The following SNTB1 variants were observed in gnomAD, a reference collection of about 807,000 sequenced individuals.
SNTB1 encodes the protein beta-1-syntrophin.
Under a neutral mutation model 48.9 loss-of-function variants are expected in SNTB1, and 36 were observed. That is an observed-to-expected ratio of 0.74 (90% confidence interval 0.56 to 0.97). SNTB1 has a LOEUF of 0.97. Among genes scored for constraint, SNTB1 ranks in the 50% least tolerant of loss-of-function variants. SNTB1 has a pLI of 0.00. For missense variants in SNTB1, 786 were observed against 703.4 expected (o/e 1.12, Z -1.33); for synonymous variants, 299 against 294.6 (o/e 1.01, Z -0.15).
chr8:120,580,587 G>A (rs907402268), intron 3 of SNTB1, among the ~76,000 whole-genome samples: 13 of 152,312 alleles, frequency 8.5e-5, no homozygotes, highest in African/African-American at 2.4e-4. Flanking sequence ...AAACGTTCAC[G>A]AAGGAAGAAG....
intron 2 of SNTB1, among the ~76,000 whole-genome samples, chr8:120,661,251 G>A (rs1359347803): frequency 1.3e-5 from 2 of 151,370 alleles, no homozygotes; most frequent in African/African-American, 4.8e-5. Context: ...ACACAATGAA[G>A]TATGCATGTA....
chr8:120,618,653 A>G (rs1816751060), intron 3 of SNTB1, among the ~76,000 whole-genome samples: 1 of 152,222 alleles, frequency 6.6e-6, no homozygotes, highest in South Asian at 2.1e-4. Flanking sequence ...TATAAGCAAA[A>G]AGATGTTCAA....
At chr8:120,592,132 G>A (rs1460550786) in intron 3 of SNTB1, among the ~76,000 whole-genome samples, 4 of 151,960 alleles carry the variant, frequency 2.6e-5, no homozygotes, top group Non-Finnish European at 5.9e-5. Flanking sequence ...AGCTTTGATA[G>A]AAAGCTACTA....
intron 5 of SNTB1, among the ~76,000 whole-genome samples, chr8:120,546,365 C>A (rs1240416499): frequency 6.6e-6 from 1 of 152,286 alleles, no homozygotes; most frequent in South Asian, 2.1e-4. Context: ...ATGAAAAACA[C>A]CGGGTTAAAT....
intron 1 of SNTB1, among the ~76,000 whole-genome samples, chr8:120,706,815 C>T (rs955947668): frequency 1.3e-5 from 2 of 152,104 alleles, no homozygotes; most frequent in African/African-American, 4.8e-5. Context: ...GCAAATCAAA[C>T]TTGGGGCTCA....
intron 2 of SNTB1, among the ~76,000 whole-genome samples, chr8:120,634,639 C>T (rs1200501133): frequency 1.3e-5 from 2 of 152,106 alleles, no homozygotes; most frequent in Non-Finnish European, 2.9e-5. Flanking sequence ...AACAACTATG[C>T]CCAGTAATGT....
chr8:120,773,163 A>G (rs1051160872), intron 1 of SNTB1, among the ~76,000 whole-genome samples: 2 of 152,220 alleles, frequency 1.3e-5, no homozygotes, highest in African/African-American at 4.8e-5. Flanking sequence ...AGAGCTCTGA[A>G]TGAACTTGGG....
At chr8:120,766,666 G>A (rs889179879) in intron 1 of SNTB1, among the ~76,000 whole-genome samples, 1 of 152,178 alleles carries the variant, frequency 6.6e-6, no homozygotes, top group African/African-American at 2.4e-5. Flanking sequence ...AATTAGAGAA[G>A]ATGTTAACCT....
chr8:120,731,710 G>A (rs910338522), intron 1 of SNTB1, among the ~76,000 whole-genome samples: 3 of 152,194 alleles, frequency 2.0e-5, no homozygotes, highest in Non-Finnish European at 2.9e-5. Flanking sequence ...GAATCACCTA[G>A]CAAGTGAGTA....
At chr8:120,550,565 G>T (rs923205196) in intron 4 of SNTB1, among the ~76,000 whole-genome samples, 1 of 142,028 alleles carries the variant, frequency 7.0e-6, no homozygotes, top group African/African-American at 2.6e-5. Flanking sequence ...AAAAAAAAGA[G>T]AGATATGGAA....
intron 2 of SNTB1, among the ~76,000 whole-genome samples, chr8:120,633,715 C>A (rs2130755322): frequency 6.6e-6 from 1 of 152,246 alleles, no homozygotes; most frequent in East Asian, 1.9e-4. Context: ...GATCTGTATA[C>A]TGTAATTGTG....
intron 2 of SNTB1, among the ~76,000 whole-genome samples, chr8:120,641,934 T>G (rs1419942771): frequency 6.6e-6 from 1 of 152,218 alleles, no homozygotes; most frequent in Non-Finnish European, 1.5e-5. Context: ...GGACAATTTC[T>G]GAGGCAAAGT....
intron 3 of SNTB1, among the ~76,000 whole-genome samples, chr8:120,586,844 G>A (rs1291356944): frequency 6.6e-6 from 1 of 152,162 alleles, no homozygotes; most frequent in Non-Finnish European, 1.5e-5. Context: ...GGCAAATGGG[G>A]GAAAGAAGGT....
intron 4 of SNTB1, among the ~76,000 whole-genome samples, chr8:120,552,973 G>A (rs933657650): frequency 2.6e-5 from 4 of 152,192 alleles, no homozygotes; most frequent in African/African-American, 9.6e-5. Context: ...ACTCTTGCGA[G>A]AATCTAACGC....
chr8:120,714,715 C>T (rs1352730919), intron 1 of SNTB1, among the ~76,000 whole-genome samples: 2 of 152,098 alleles, frequency 1.3e-5, no homozygotes, highest in Admixed American at 6.5e-5. Flanking sequence ...GAATGATACC[C>T]TTAAAGGAAA....
intron 1 of SNTB1, among the ~76,000 whole-genome samples, chr8:120,705,174 G>A (rs887938656): frequency 6.6e-6 from 1 of 152,286 alleles, no homozygotes; most frequent in African/African-American, 2.4e-5. Context: ...AAAGAGTGAC[G>A]TGCATAAACT....
At chr8:120,598,549 G>A (rs1816365086) in intron 3 of SNTB1, among the ~76,000 whole-genome samples, 1 of 152,202 alleles carries the variant, frequency 6.6e-6, no homozygotes, top group Non-Finnish European at 1.5e-5. Context: ...AGTCTAGTGA[G>A]GGAGATGAGA....
intron 1 of SNTB1, among the ~76,000 whole-genome samples, chr8:120,705,779 A>G (rs1487472020): frequency 6.6e-6 from 1 of 152,204 alleles, no homozygotes; most frequent in African/African-American, 2.4e-5. Context: ...TTTCTTCATT[A>G]TTATATGCTT....
chr8:120,755,722 G>A (rs554115273), intron 1 of SNTB1, among the ~76,000 whole-genome samples: 23 of 152,100 alleles, frequency 1.5e-4, no homozygotes, highest in East Asian at 3.9e-4. Context: ...TATTACTTAC[G>A]CTAACTCTAT....
Sources: allele counts gnomAD v4.1 joint callset (sites outside exome capture counted in the v4.1 genomes callset), GRCh38; gene constraint gnomAD v4.1.1; transcripts MANE v1.5; gene names NCBI Gene and HGNC (gene_info 2026-07-23, HGNC 2026-07-21).